Variants in ACACA observed in about 807,000 individuals in gnomAD.
The protein encoded by ACACA is acetyl-CoA carboxylase alpha.
Under a neutral mutation model 296.1 loss-of-function variants are expected in ACACA, and 103 were observed. That is an observed-to-expected ratio of 0.35 (90% CI 0.30 to 0.41). ACACA has a LOEUF of 0.41. Among genes scored for constraint, ACACA ranks in the 10% least tolerant of loss-of-function variants. The probability of loss-of-function intolerance (pLI) is 1.00; values close to 1 mark genes in which losing one functional copy is unlikely to be tolerated. For missense variants in ACACA, 1,554 were observed against 2,989.7 expected, an observed-to-expected ratio of 0.52 and a Z score of 11.20; for synonymous variants, 953 against 1,038.6, an observed-to-expected ratio of 0.92 and a Z score of 1.58.
intron 1 of ACACA, chr17:37,387,577 G>A (rs1249704322): frequency 6.6e-6 from 1 of 151,866 alleles, no homozygotes; most frequent in Non-Finnish European, 1.5e-5. Flanking sequence ...CTCCTGAGTA[G>A]CTGGGACAAC....
intron 33 of ACACA, among the ~76,000 whole-genome samples, chr17:37,202,710 TATAC>T (rs1255718003): frequency 1.4e-3 from 26 of 18,176 alleles, no homozygotes; most frequent in Middle Eastern, 0.016. Flanking sequence ...TATATATATA[TATAC>T]ACACACACAT....
intron 1 of ACACA, among the ~76,000 whole-genome samples, chr17:37,342,272 G>A (rs896150082): frequency 1.3e-5 from 2 of 151,060 alleles, no homozygotes; most frequent in Admixed American, 6.6e-5. Context: ...GCCAGGCATG[G>A]TGGCAGACAC....
intron 29 of ACACA, among the ~76,000 whole-genome samples, chr17:37,220,060 T>C (rs942169530): frequency 9.2e-5 from 14 of 152,354 alleles, no homozygotes; most frequent in Admixed American, 3.3e-4. Flanking sequence ...GGATTACTGT[T>C]ATGTTCAAGT....
chr17:37,231,524 T>A (rs2079859291), intron 25 of ACACA, among the ~76,000 whole-genome samples: 3 of 152,208 alleles, frequency 2.0e-5, no homozygotes, highest in Non-Finnish European at 4.4e-5. Flanking sequence ...AGACTTTTCT[T>A]CTTTATTTAC....
intron 1 of ACACA, among the ~76,000 whole-genome samples, chr17:37,375,244 C>T (rs944000004): frequency 8.6e-5 from 13 of 151,240 alleles, no homozygotes; most frequent in African/African-American, 2.4e-4. Flanking sequence ...CCCAGCACTT[C>T]GGGAGGCCGA....
At chr17:37,231,661 T>C (rs1324121631) in intron 25 of ACACA, among the ~76,000 whole-genome samples, 2 of 152,224 alleles carry the variant, frequency 1.3e-5, no homozygotes, top group East Asian at 1.9e-4. Context: ...TACAGAAGCA[T>C]GGTTTATAGC....
At chr17:37,389,674 A>C (rs1330126293) in intron 1 of ACACA, among the ~76,000 whole-genome samples, 1 of 151,900 alleles carries the variant, frequency 6.6e-6, no homozygotes, top group Non-Finnish European at 1.5e-5. Flanking sequence ...GCAACAGAGT[A>C]AGACTCTGTC....
intron 11 of ACACA, among the ~76,000 whole-genome samples, chr17:37,260,279 TATATATATATATA>T (rs2081419452): frequency 5.3e-4 from 18 of 34,240 alleles, no homozygotes; most frequent in East Asian, 1.7e-3. Flanking sequence ...TATATATATA[TATATATATATATA>T]TATATTTTTT....
intron 54 of ACACA, among the ~76,000 whole-genome samples, chr17:37,094,398 A>G (rs2142611992): frequency 6.6e-6 from 1 of 152,340 alleles, no homozygotes; most frequent in Non-Finnish European, 1.5e-5. Flanking sequence ...CTGGGAACAA[A>G]AAGAACACAA....
intron 24 of ACACA, among the ~76,000 whole-genome samples, chr17:37,235,942 A>G (rs1320283947): frequency 2.6e-5 from 4 of 152,228 alleles, no homozygotes; most frequent in Non-Finnish European, 4.4e-5. Context: ...GCCATGGGAT[A>G]TAAGTAATAT....
intron 45 of ACACA, among the ~76,000 whole-genome samples, chr17:37,131,094 G>A (rs1403557124): frequency 1.3e-5 from 2 of 152,116 alleles, no homozygotes; most frequent in South Asian, 2.1e-4. Context: ...GTGCAGGGCT[G>A]TGATTTATAC....
intron 43 of ACACA, among the ~76,000 whole-genome samples, chr17:37,153,019 T>A (rs763788491): frequency 7.9e-5 from 12 of 152,208 alleles, no homozygotes; most frequent in Non-Finnish European, 1.2e-4. Flanking sequence ...TTGTTCTGTA[T>A]CTAGACTCTA....
At chr17:37,091,630 A>T (rs1032262919) in intron 54 of ACACA, among the ~76,000 whole-genome samples, 2 of 151,620 alleles carry the variant, frequency 1.3e-5, no homozygotes, top group Non-Finnish European at 2.9e-5. Context: ...CCCAGGCTGG[A>T]GTACAGTGGC....
At chr17:37,396,125 G>A (rs971236009) in intron 1 of ACACA, among the ~76,000 whole-genome samples, 3 of 151,938 alleles carry the variant, frequency 2.0e-5, no homozygotes, top group Non-Finnish European at 4.4e-5. Context: ...GGATCATCTG[G>A]GGTCAGGAGT....
At chr17:37,130,932 T>C (rs962492500) in intron 45 of ACACA, among the ~76,000 whole-genome samples, 35 of 151,782 alleles carry the variant, frequency 2.3e-4, no homozygotes, top group African/African-American at 7.7e-4. Flanking sequence ...CAAAAGTAAT[T>C]GTGGTTTTTG....
intron 3 of ACACA, among the ~76,000 whole-genome samples, chr17:37,315,803 T>C (rs886931631): frequency 7.9e-5 from 12 of 152,176 alleles, no homozygotes; most frequent in African/African-American, 2.9e-4. Flanking sequence ...AGAAGCTCTA[T>C]GAACTCTGTT....
intron 50 of ACACA, among the ~76,000 whole-genome samples, chr17:37,118,021 G>A (rs1027223340): frequency 6.6e-6 from 1 of 152,138 alleles, no homozygotes. Context: ...GGGATGTGAA[G>A]AATGACAAGA....
At chr17:37,314,946 AATGCT>A (rs1221529157) in intron 3 of ACACA, among the ~76,000 whole-genome samples, 104 of 138,578 alleles carry the variant, frequency 7.5e-4, no homozygotes, top group African/African-American at 2.7e-3. Flanking sequence ...CCCGGCCAGG[AATGCT>A]TTTTTTTTTT....
intron 33 of ACACA, among the ~76,000 whole-genome samples, chr17:37,204,275 G>C (rs543852453): frequency 6.6e-6 from 1 of 152,132 alleles, no homozygotes; most frequent in African/African-American, 2.4e-5. Context: ...TGCCTATCCT[G>C]TCCCCTCAAC....
Sources: gnomAD v4.1 joint callset for allele counts (sites outside exome capture counted in the v4.1 genomes callset) on GRCh38, gnomAD v4.1.1 for gene constraint, MANE v1.5 for transcripts, NCBI Gene and HGNC (gene_info 2026-07-23, HGNC 2026-07-21) for gene names.